The following CTNNA2 variants were observed in gnomAD, a reference collection of about 807,000 sequenced individuals.
CTNNA2 encodes catenin alpha 2.
A neutral mutation model predicts 101.0 loss-of-function variants in CTNNA2; 42 were observed. That is an observed-to-expected ratio of 0.42 (90% CI 0.32 to 0.54). CTNNA2 has a LOEUF of 0.54. CTNNA2 is among the 20% of genes least tolerant of loss of function. The pLI, the probability that CTNNA2 is intolerant of heterozygous loss-of-function variation, is 0.14. For synonymous variants in CTNNA2, 450 were observed against 456.4 expected (o/e 0.99, Z 0.18); for missense variants, 871 against 1,223.1 (o/e 0.71, Z 4.29).
At chr2:79,485,643 A>G (rs1289902375) in intron 4 of CTNNA2, among the ~76,000 whole-genome samples, 1 of 152,236 alleles carries the variant, frequency 6.6e-6, no homozygotes, top group Non-Finnish European at 1.5e-5. Flanking sequence ...TCTGACTGCC[A>G]CACAGTTGCT....
intron 7 of CTNNA2, among the ~76,000 whole-genome samples, chr2:80,177,580 C>T (rs1705474690): frequency 1.3e-5 from 2 of 152,174 alleles, no homozygotes; most frequent in Non-Finnish European, 2.9e-5. Context: ...TTCATGGGCC[C>T]ACTGGGCAAT....
intron 7 of CTNNA2, among the ~76,000 whole-genome samples, chr2:80,106,434 C>G (rs944994107): frequency 6.6e-6 from 1 of 152,204 alleles, no homozygotes; most frequent in African/African-American, 2.4e-5. Flanking sequence ...GTTACACTAT[C>G]TATGTGTATC....
chr2:79,299,974 C>G (rs1376595741), intron 2 of CTNNA2, among the ~76,000 whole-genome samples: 1 of 152,200 alleles, frequency 6.6e-6, no homozygotes, highest in African/African-American at 2.4e-5. Flanking sequence ...TGCTGTATAA[C>G]TGCCAACACA....
chr2:79,334,319 A>G (rs192542581), intron 3 of CTNNA2, among the ~76,000 whole-genome samples: 141 of 152,210 alleles, frequency 9.3e-4, no homozygotes, highest in Admixed American at 2.6e-3. Context: ...CAGAATTTGA[A>G]CCTAAAGAGT....
chr2:79,541,071 ATTTC>A (rs1673378800), intron 1 of CTNNA2, among the ~76,000 whole-genome samples: 1 of 152,084 alleles, frequency 6.6e-6, no homozygotes, highest in South Asian at 2.1e-4. Flanking sequence ...CTGAAAAAAC[ATTTC>A]TTTGTTAGGT....
intron 8 of CTNNA2, among the ~76,000 whole-genome samples, chr2:80,404,567 T>C (rs1229285340): frequency 6.6e-6 from 1 of 152,082 alleles, no homozygotes; most frequent in Non-Finnish European, 1.5e-5. Context: ...AGGAGATGGG[T>C]AGGAGTTGGG....
At chr2:79,802,378 T>A (rs1244741727) in intron 3 of CTNNA2, among the ~76,000 whole-genome samples, 3 of 152,220 alleles carry the variant, frequency 2.0e-5, no homozygotes, top group Non-Finnish European at 2.9e-5. Flanking sequence ...TTAAGAAAGT[T>A]CTGAAGTTGC....
At chr2:79,585,340 G>T (rs938278356) in intron 1 of CTNNA2, among the ~76,000 whole-genome samples, 1 of 151,888 alleles carries the variant, frequency 6.6e-6, no homozygotes. Context: ...GTCTCTAATT[G>T]CTTTGCCTTG....
intron 2 of CTNNA2, among the ~76,000 whole-genome samples, chr2:79,660,236 AC>A (rs70940039): frequency 6.7e-6 from 1 of 149,874 alleles, no homozygotes; most frequent in South Asian, 2.1e-4. Context: ...ATGTATGTAT[AC>A]TATATATGTG....
At chr2:80,607,055 T>C (rs1698091167) in intron 16 of CTNNA2, among the ~76,000 whole-genome samples, 1 of 151,892 alleles carries the variant, frequency 6.6e-6, no homozygotes, top group Non-Finnish European at 1.5e-5. Context: ...ATATAAAAAA[T>C]ATCCCTTTAT....
In CTNNA2 at chr2:80,232,345, G is replaced by GTTTTTTTTTTTTTTTTTTTTTTTTTTT. The variant is rs61454985; in HGVS notation, c.1057-160849_1057-160823dup. Among the ~76,000 whole-genome samples the GTTTTTTTTTTTTTTTTTTTTTTTTTTT allele has an allele frequency of 6.2e-4, 40 of 64,796 alleles. 2 individuals are homozygous for GTTTTTTTTTTTTTTTTTTTTTTTTTTT. The highest frequency in any genetic ancestry group is 8.8e-4 in the African/African-American group (10 of 11,392). 42.5% of individuals were successfully genotyped at this position (64,796 alleles called of 152,430 possible). A position where few individuals can be genotyped will look rare whatever the true frequency, so the allele number is the denominator to read the frequency against. On this transcript the variant is annotated intron_variant, in intron 7 of 18. Transcript: ENST00000402739. Reference sequence around the variant, plus strand: ...GTTTTGTTTGTTTGTTTGTTTGTTTGTTTTTTTTTTTTTTTTTTTTTTTTT... The same window carrying GTTTTTTTTTTTTTTTTTTTTTTTTTTT: ...GTTTTGTTTGTTTGTTTGTTTGTTTGTTTTTTTTTTTTTTTTTTTTTTTTTTTTTTTTTTTTTTTTTTTTTTTTTTTT...
chr2:80,346,538 G>A (rs1011714890), intron 7 of CTNNA2, among the ~76,000 whole-genome samples: 5 of 152,286 alleles, frequency 3.3e-5, no homozygotes, highest in Non-Finnish European at 7.4e-5. Flanking sequence ...AATTCAACAT[G>A]AAATTGGGGT....
chr2:80,627,247 A>T (rs902684711), intron 18 of CTNNA2, among the ~76,000 whole-genome samples: 1 of 152,150 alleles, frequency 6.6e-6, no homozygotes, highest in Admixed American at 6.5e-5. Flanking sequence ...TGGGATGGCT[A>T]GGTCAAATGG....
intron 3 of CTNNA2, among the ~76,000 whole-genome samples, chr2:79,815,044 T>C (rs1677376084): frequency 6.6e-6 from 1 of 152,324 alleles, no homozygotes; most frequent in African/African-American, 2.4e-5. Flanking sequence ...GAGCATTTTT[T>C]CACATGTTGG....
At chr2:80,432,100 A>G (rs1210966265) in intron 9 of CTNNA2, among the ~76,000 whole-genome samples, 1 of 152,166 alleles carries the variant, frequency 6.6e-6, no homozygotes, top group Non-Finnish European at 1.5e-5. Context: ...GATATTTTAC[A>G]TTCTTTTTTC....
At chr2:80,382,433 A>T (rs1053808195) in intron 7 of CTNNA2, among the ~76,000 whole-genome samples, 1 of 152,200 alleles carries the variant, frequency 6.6e-6, no homozygotes, top group East Asian at 1.9e-4. Context: ...TATTATTTGT[A>T]TACCGTCTGA....
chr2:80,189,145 G>A (rs1706316554), intron 7 of CTNNA2, among the ~76,000 whole-genome samples: 1 of 151,902 alleles, frequency 6.6e-6, no homozygotes, highest in Admixed American at 6.6e-5. Flanking sequence ...GTAGAGACGA[G>A]GTTTCACCAT....
intron 12 of CTNNA2, among the ~76,000 whole-genome samples, chr2:80,571,183 AG>A (rs1308179944): frequency 1.3e-5 from 2 of 152,128 alleles, no homozygotes; most frequent in African/African-American, 2.4e-5. Flanking sequence ...ATGCAAATAG[AG>A]GTGTGTTCAT....
intron 7 of CTNNA2, among the ~76,000 whole-genome samples, chr2:80,277,323 G>A (rs1377643710): frequency 1.3e-5 from 2 of 152,072 alleles, no homozygotes. Context: ...CATTACATAG[G>A]CAGGATTGAT....
Sources: gnomAD v4.1 joint callset for allele counts (sites outside exome capture counted in the v4.1 genomes callset) on GRCh38, gnomAD v4.1.1 for gene constraint, MANE v1.5 for transcripts, NCBI Gene and HGNC (gene_info 2026-07-23, HGNC 2026-07-21) for gene names.